The following BICC1 variants were observed in gnomAD, a reference collection of about 807,000 sequenced individuals.
BICC1 encodes the protein protein bicaudal C homolog 1.
BICC1 carries 43 observed loss-of-function variants against 111.0 expected under a neutral mutation model. The ratio of observed to expected loss-of-function variants is 0.39; its 90% CI spans 0.30 to 0.50. The LOEUF is 0.50. Among genes scored for constraint, BICC1 ranks in the 20% least tolerant of loss-of-function variants. BICC1 has a pLI of 0.88. For missense variants in BICC1, 1,091 were observed against 1,203.2 expected (o/e 0.91, Z 1.38); for synonymous variants, 467 against 434.4 (o/e 1.07, Z -0.93).
intron 2 of BICC1, among the ~76,000 whole-genome samples, chr10:58,686,986 TC>T (rs1042192608): frequency 9.2e-5 from 14 of 152,244 alleles, no homozygotes; most frequent in African/African-American, 3.1e-4. Context: ...TGCTCGGGTT[TC>T]TCCCCATCTT....
At chr10:58,714,018 C>T (rs1266916367) in intron 3 of BICC1, among the ~76,000 whole-genome samples, 1 of 152,140 alleles carries the variant, frequency 6.6e-6, no homozygotes, top group Non-Finnish European at 1.5e-5. Context: ...GGAGAGGGTG[C>T]TACTGGCATC....
At chr10:58,749,363 T>C (rs988382454) in intron 3 of BICC1, among the ~76,000 whole-genome samples, 2 of 152,150 alleles carry the variant, frequency 1.3e-5, no homozygotes, top group African/African-American at 2.4e-5. Flanking sequence ...TACGCATTAT[T>C]GTATTTTTGC....
chr10:58,642,666 TTTATTATTATTA>T lies in BICC1; in HGVS notation c.237+21810_237+21821del, dbSNP rs138889861. Among the ~76,000 whole-genome samples, 343 of 148,288 alleles carry T rather than the reference TTTATTATTATTA, an allele frequency of 2.3e-3. 2 individuals are homozygous for T. Among genetic ancestry groups the T allele is most frequent in the African/African-American group, 8.2e-3 (326 of 39,778 alleles). On this transcript the variant is annotated intron_variant, in intron 2 of 20. Transcript: ENST00000373886. The stretch of plus-strand genomic sequence containing the variant: ...CATATGCTCCTGACAATATGAACCA[TTTATTATTATTA>T]TTATTATTATTATTATTATTATTAT...
At chr10:58,592,417 A>T (rs1187192442) in intron 1 of BICC1, among the ~76,000 whole-genome samples, 2 of 152,112 alleles carry the variant, frequency 1.3e-5, no homozygotes, top group Non-Finnish European at 2.9e-5. Context: ...AATAATTTTT[A>T]AGAAATTCCT....
chr10:58,538,593 G>A (rs149422812), intron 1 of BICC1, among the ~76,000 whole-genome samples: 83 of 151,786 alleles, frequency 5.5e-4, no homozygotes, highest in Non-Finnish European at 9.6e-4. Context: ...TGCAGCAAAA[G>A]CAAAAATAAA....
chr10:58,651,710 A>T (rs1373947886), intron 2 of BICC1, among the ~76,000 whole-genome samples: 1 of 152,180 alleles, frequency 6.6e-6, no homozygotes, highest in Non-Finnish European at 1.5e-5. Flanking sequence ...TGCTGTTGCC[A>T]AGTAAATACA....
intron 1 of BICC1, among the ~76,000 whole-genome samples, chr10:58,516,174 A>G (rs1842236166): frequency 6.6e-6 from 1 of 152,200 alleles, no homozygotes; most frequent in African/African-American, 2.4e-5. Context: ...AAATAGGTAC[A>G]GGTTTCCAAT....
chr10:58,581,289 A>G (rs536174700), intron 1 of BICC1, among the ~76,000 whole-genome samples: 104 of 152,332 alleles, frequency 6.8e-4, no homozygotes, highest in African/African-American at 2.3e-3. Flanking sequence ...CAGAGCCACA[A>G]AAATTAAGTG....
intron 8 of BICC1, among the ~76,000 whole-genome samples, chr10:58,790,962 C>T (rs1843158000): frequency 6.6e-6 from 1 of 152,188 alleles, no homozygotes; most frequent in African/African-American, 2.4e-5. Flanking sequence ...GCATTTGAAT[C>T]AGTAAGCCTC....
intron 1 of BICC1, among the ~76,000 whole-genome samples, chr10:58,620,538 T>C (rs1350353339): frequency 6.6e-6 from 1 of 152,218 alleles, no homozygotes; most frequent in African/African-American, 2.4e-5. Flanking sequence ...GTTGATTACT[T>C]TGAGAGTTGC....
intron 1 of BICC1, among the ~76,000 whole-genome samples, chr10:58,559,533 G>T (rs1430579344): frequency 6.6e-6 from 1 of 152,042 alleles, no homozygotes; most frequent in African/African-American, 2.4e-5. Context: ...AGATTATATT[G>T]TCTGCAAACA....
intron 3 of BICC1, among the ~76,000 whole-genome samples, chr10:58,717,395 C>T (rs1443711205): frequency 6.6e-6 from 1 of 151,366 alleles, no homozygotes; most frequent in Non-Finnish European, 1.5e-5. Flanking sequence ...GAAGCTGAGA[C>T]TTACAATAAC....
chr10:58,665,748 A>G (rs1838988910), intron 2 of BICC1, among the ~76,000 whole-genome samples: 1 of 152,082 alleles, frequency 6.6e-6, no homozygotes, highest in African/African-American at 2.4e-5. Flanking sequence ...ACATTTTTTA[A>G]AACCCACGCT....
At chr10:58,768,616 G>A (rs1842524363) in intron 3 of BICC1, among the ~76,000 whole-genome samples, 1 of 151,980 alleles carries the variant, frequency 6.6e-6, no homozygotes, top group South Asian at 2.1e-4. Context: ...AATGTTAAAA[G>A]ACAAAAGTAT....
At chr10:58,796,142 C>T (rs1843345150) in intron 9 of BICC1, among the ~76,000 whole-genome samples, 198 bp from the exon 10 acceptor site, 3 of 152,016 alleles carry the variant, frequency 2.0e-5, no homozygotes, top group South Asian at 4.2e-4. Flanking sequence ...AAATGGTAAC[C>T]AATAATTTAG....
chr10:58,640,173 G>A (rs1254135840), intron 2 of BICC1, among the ~76,000 whole-genome samples: 1 of 152,116 alleles, frequency 6.6e-6, no homozygotes, highest in Non-Finnish European at 1.5e-5. Context: ...AAAAGATTGG[G>A]TTGGAAAAAG....
rs543766542 is a variant in BICC1 at position 58,513,564 on chromosome 10, C to T, written c.190+231C>T. Among the ~76,000 whole-genome samples the T allele has an allele frequency of 2.0e-5, 3 of 152,356 alleles. No individual in the cohort carries two copies. In the East Asian group the frequency reaches 5.8e-4, roughly 29 times the overall value. ...CGCTGGGGGCCCTGTGCGAACTTGACTGGCTTCAGAAAAGCCGAAGGCCGA... is the reference window on the plus strand; with the variant it reads ...CGCTGGGGGCCCTGTGCGAACTTGATTGGCTTCAGAAAAGCCGAAGGCCGA... On this transcript the variant is annotated intron_variant, in intron 1 of 20. Coordinates refer to ENST00000373886, the MANE Select transcript of BICC1 (RefSeq NM_001080512.3).
At chr10:58,680,713 CA>C (rs1159856875) in intron 2 of BICC1, among the ~76,000 whole-genome samples, 2 of 152,112 alleles carry the variant, frequency 1.3e-5, no homozygotes, top group Non-Finnish European at 2.9e-5. Context: ...CCTGTATAGC[CA>C]AGACAATTCT....
At chr10:58,513,407 C>A (rs1271886642) in intron 1 of BICC1, 74 bp downstream of exon 1, 66 of 1,362,616 alleles carry the variant, frequency 4.8e-5, no homozygotes, top group Non-Finnish European at 5.4e-5. Flanking sequence ...ACCGCGCGCT[C>A]CGGCGCCCGC....
Sources: gnomAD v4.1 joint callset for allele counts (sites outside exome capture counted in the v4.1 genomes callset) on GRCh38, gnomAD v4.1.1 for gene constraint, MANE v1.5 for transcripts, NCBI Gene and HGNC (gene_info 2026-07-23, HGNC 2026-07-21) for gene names.